LRP1B: variants seen among roughly 807,000 people sequenced by gnomAD.
The protein encoded by LRP1B is low-density lipoprotein receptor-related protein 1B.
In LRP1B, 217 loss-of-function variants were observed where a neutral mutation model predicts 556.6. The observed-to-expected ratio is 0.39, with a 90% confidence interval of 0.35 to 0.44. LRP1B has a LOEUF of 0.44. LRP1B is among the 20% of genes least tolerant of loss of function. LRP1B has a pLI of 1.00. For synonymous variants in LRP1B, 2,047 were observed against 1,865.8 expected, an observed-to-expected ratio of 1.10 and a Z score of -2.50; for missense variants, 5,053 against 5,620.8, an observed-to-expected ratio of 0.90 and a Z score of 3.23.
In LRP1B at chr2:140,747,507, G is replaced by A. The variant is rs551686379; in HGVS notation, c.5758+21706C>T. Among the ~76,000 whole-genome samples the A allele has an allele frequency of 3.3e-5, 5 of 152,270 alleles. No homozygotes were observed. The South Asian group carries it at 1.0e-3, about 32-fold the overall frequency. ...CTCAAAATGCACATAGCACACCATA[G>A]TCACAGTGCTGCTCAGATTGGAGTG... On this transcript the variant is annotated intron_variant, in intron 35 of 90. Coordinates refer to ENST00000389484, the MANE Select transcript of LRP1B (RefSeq NM_018557.3).
intron 27 of LRP1B, among the ~76,000 whole-genome samples, chr2:140,864,486 C>G (rs1251335885): frequency 6.6e-6 from 1 of 151,936 alleles, no homozygotes; most frequent in Non-Finnish European, 1.5e-5. Context: ...TTGAGACTAA[C>G]AACTGTAAAG....
chr2:141,087,260 G>T (rs1259952282), intron 7 of LRP1B, among the ~76,000 whole-genome samples: 1 of 152,042 alleles, frequency 6.6e-6, no homozygotes, highest in African/African-American at 2.4e-5. Context: ...GGTCCGTCTT[G>T]TGCTCCCTTT....
chr2:141,668,986 G>A (rs578124106), intron 2 of LRP1B, among the ~76,000 whole-genome samples: 22 of 152,276 alleles, frequency 1.4e-4, no homozygotes, highest in African/African-American at 5.3e-4. Context: ...CAATACCCTT[G>A]TGATGGGGGT....
chr2:140,544,132 C>T lies in LRP1B; in HGVS notation c.7195-2161G>A, dbSNP rs115615869. ...AAAAACATTTATATTCCTTTAATAA[C>T]TTTTAAGTTCAGGGGTATATGTGCA... On this transcript the variant is annotated intron_variant, in intron 43 of 90. Coordinates refer to ENST00000389484, the MANE Select transcript of LRP1B (RefSeq NM_018557.3). Among the ~76,000 whole-genome samples the T allele has an allele frequency of 5.9e-3, 890 of 151,788 alleles. 10 individuals carry two copies. The highest frequency in any genetic ancestry group is 0.021 in the African/African-American group (854 of 41,432).
Position 140,711,152 on chromosome 2 carries a change from A to T in LRP1B, c.6023+4821T>A, listed in dbSNP as rs952583292. On this transcript the variant is annotated intron_variant, in intron 37 of 90. Transcript: ENST00000389484. ...AGGTTATACTCACTTAAACATTTAC[A>T]GCATTAATTCACATATTCTCTTTTC... is the stretch of plus-strand genomic sequence containing the variant. Among the ~76,000 whole-genome samples the T allele has an allele frequency of 2.0e-5, 3 of 152,080 alleles. No individual in the cohort carries two copies. In the East Asian group the frequency reaches 5.8e-4, roughly 29 times the overall value.
At chr2:141,257,709 C>T (rs570211821) in intron 3 of LRP1B, among the ~76,000 whole-genome samples, 5 of 152,166 alleles carry the variant, frequency 3.3e-5, no homozygotes, top group East Asian at 3.9e-4. Flanking sequence ...AGTGATGACA[C>T]GAGATGATTA....
intron 2 of LRP1B, among the ~76,000 whole-genome samples, chr2:141,732,567 G>A (rs1007928437): frequency 6.6e-6 from 1 of 152,042 alleles, no homozygotes; most frequent in Admixed American, 6.6e-5. Flanking sequence ...TTTAGTTCAA[G>A]TAGCTTACCC....
At chr2:141,799,652 G>A (rs548334777) in intron 2 of LRP1B, among the ~76,000 whole-genome samples, 1 of 152,100 alleles carries the variant, frequency 6.6e-6, no homozygotes, top group African/African-American at 2.4e-5. Context: ...CCTCACTTCT[G>A]AACCCTCCTC....
At chr2:142,099,137 T>A (rs532877122) in intron 1 of LRP1B, among the ~76,000 whole-genome samples, 1 of 151,980 alleles carries the variant, frequency 6.6e-6, no homozygotes, top group South Asian at 2.1e-4. Flanking sequence ...CTTCATCTAA[T>A]CTTCTGTCAT....
chr2:142,017,967 T>TC (rs1182879507), intron 1 of LRP1B, among the ~76,000 whole-genome samples: 1 of 151,740 alleles, frequency 6.6e-6, no homozygotes, highest in Non-Finnish European at 1.5e-5. Context: ...TTTTTTTTTT[T>TC]TTGGTGTTTC....
At chr2:140,310,770 T>TG in intron 83 of LRP1B, among the ~76,000 whole-genome samples, 1 of 151,796 alleles carries the variant, frequency 6.6e-6, no homozygotes, top group East Asian at 1.9e-4. Context: ...AAAATTTAAA[T>TG]GTAAGAACTG....
chr2:141,685,505 T>C (rs1691263174), intron 2 of LRP1B, among the ~76,000 whole-genome samples: 1 of 152,014 alleles, frequency 6.6e-6, no homozygotes, highest in Admixed American at 6.6e-5. Flanking sequence ...TAAGTACACA[T>C]CTTAATTTCT....
chr2:141,197,547 A>T (rs986751449), intron 6 of LRP1B, among the ~76,000 whole-genome samples: 11 of 152,088 alleles, frequency 7.2e-5, no homozygotes, highest in African/African-American at 2.7e-4. Context: ...TGATATAAAT[A>T]CTTGTTTCAT....
intron 87 of LRP1B, among the ~76,000 whole-genome samples, chr2:140,241,740 T>C (rs530093269): frequency 6.6e-6 from 1 of 150,902 alleles, no homozygotes; most frequent in African/African-American, 2.4e-5. Context: ...ATAGTTTTTA[T>C]TGCTGGAAAC....
chr2:140,350,121 C>T (rs1254397462), intron 77 of LRP1B, among the ~76,000 whole-genome samples: 1 of 152,078 alleles, frequency 6.6e-6, no homozygotes, highest in Admixed American at 6.6e-5. Flanking sequence ...ATTTATCTGT[C>T]ATTTTCCTTC....
rs753792830 is a variant in LRP1B, at chr2:141,254,505, TTA to T, written c.463+15_463+16del. 3.1e-6 allele frequency: 5 copies of T among 1,610,434 alleles called. No homozygotes were observed. Among genetic ancestry groups the T allele is most frequent in the Non-Finnish European group, 3.4e-6 (4 of 1,177,768 alleles). On this transcript the variant is annotated intron_variant, in intron 4 of 90. Transcript: ENST00000389484. ...CCTCTATAAACAAAATTTGATGGCG[TTA>T]TATGTTTTACTTACCTTTACAGCTT...
At chr2:141,128,023 T>TA (rs1246002488) in intron 7 of LRP1B, among the ~76,000 whole-genome samples, 1 of 152,210 alleles carries the variant, frequency 6.6e-6, no homozygotes, top group African/African-American at 2.4e-5. Context: ...ATGTTTTTGC[T>TA]ATATTGCCTA....
At chr2:140,443,934 ACT>A (rs1409310101) in intron 65 of LRP1B, among the ~76,000 whole-genome samples, 2 of 152,174 alleles carry the variant, frequency 1.3e-5, no homozygotes, top group Admixed American at 6.5e-5. Flanking sequence ...TGGAGAAAAC[ACT>A]CTCTAATTAA....
At chr2:141,676,544 T>A (rs1574229201) in intron 2 of LRP1B, among the ~76,000 whole-genome samples, 1 of 152,200 alleles carries the variant, frequency 6.6e-6, no homozygotes, top group Admixed American at 6.5e-5. Context: ...CCATTAATTA[T>A]AGCTTTTATC....
Sources: allele counts gnomAD v4.1 joint callset (sites outside exome capture counted in the v4.1 genomes callset), GRCh38; gene constraint gnomAD v4.1.1; transcripts MANE v1.5; gene names NCBI Gene and HGNC (gene_info 2026-07-23, HGNC 2026-07-21).